SLC25A21: variants seen among roughly 807,000 people sequenced by gnomAD.
SLC25A21 encodes solute carrier family 25 member 21, also known as mitochondrial 2-oxodicarboxylate carrier.
In SLC25A21, 47 loss-of-function variants were observed where a neutral mutation model predicts 43.8. The ratio of observed to expected loss-of-function variants is 1.07; its 90% CI spans 0.85 to 1.37. The LOEUF (loss-of-function observed/expected upper bound fraction) is 1.37, where lower values mean the gene tolerates loss of function less well. Among genes scored for constraint, SLC25A21 ranks in the 40% most tolerant of loss-of-function variants. The pLI is 0.00. For missense variants in SLC25A21, 352 were observed against 350.2 expected (o/e 1.00, Z -0.04); for synonymous variants, 131 against 121.3 (o/e 1.08, Z -0.52).
At chr14:36,682,742 A>T (rs35699523) in intron 9 of SLC25A21, among the ~76,000 whole-genome samples, 53,957 of 151,736 alleles carry the variant, frequency 0.36, 10,176 homozygotes, top group East Asian at 0.6. Flanking sequence ...GCCAATAACT[A>T]ACGGAAGGTA....
intron 6 of SLC25A21, among the ~76,000 whole-genome samples, chr14:36,724,795 A>G (rs2139211093): frequency 6.6e-6 from 1 of 152,308 alleles, no homozygotes; most frequent in East Asian, 1.9e-4. Context: ...GATTATCAGA[A>G]TCTTCCAGGA....
chr14:36,775,752 C>T (rs189484154), intron 3 of SLC25A21, among the ~76,000 whole-genome samples: 2 of 152,306 alleles, frequency 1.3e-5, no homozygotes, highest in East Asian at 1.9e-4. Flanking sequence ...GACCTTTGTG[C>T]CAGTTGCCTA....
intron 1 of SLC25A21, among the ~76,000 whole-genome samples, chr14:37,106,707 A>G (rs1297776445): frequency 6.6e-6 from 1 of 151,790 alleles, no homozygotes; most frequent in East Asian, 1.9e-4. Flanking sequence ...GAAGCATGTG[A>G]TCTTTGTACC....
intron 1 of SLC25A21, among the ~76,000 whole-genome samples, chr14:37,106,517 C>A (rs546432545): frequency 5.9e-5 from 9 of 152,060 alleles, no homozygotes; most frequent in South Asian, 2.1e-4. Flanking sequence ...AAGGTCAGAC[C>A]GGTTCTCTGA....
At chr14:36,977,870 T>C (rs1403785049) in intron 1 of SLC25A21, among the ~76,000 whole-genome samples, 4 of 151,724 alleles carry the variant, frequency 2.6e-5, no homozygotes, top group Non-Finnish European at 4.4e-5. Flanking sequence ...TAGGAATTCC[T>C]CTTTGGGATA....
chr14:37,025,857 TAAAAG>T (rs755857913), intron 1 of SLC25A21, among the ~76,000 whole-genome samples: 5 of 152,086 alleles, frequency 3.3e-5, no homozygotes, highest in Non-Finnish European at 7.4e-5. Context: ...TCTTTTTTCT[TAAAAG>T]AAAAGATAAA....
At chr14:37,050,380 G>C (rs967018890) in intron 1 of SLC25A21, among the ~76,000 whole-genome samples, 5 of 152,196 alleles carry the variant, frequency 3.3e-5, no homozygotes, top group African/African-American at 1.2e-4. Context: ...CATGTATACA[G>C]TAAGTAACTC....
At chr14:37,106,298 G>A (rs1424874603) in intron 1 of SLC25A21, among the ~76,000 whole-genome samples, 2 of 152,086 alleles carry the variant, frequency 1.3e-5, no homozygotes, top group East Asian at 3.9e-4. Context: ...AGTGCAAGTA[G>A]GAGAGATATT....
intron 1 of SLC25A21, among the ~76,000 whole-genome samples, chr14:36,893,375 C>T (rs1207984151): frequency 6.6e-6 from 1 of 152,144 alleles, no homozygotes; most frequent in Non-Finnish European, 1.5e-5. Flanking sequence ...TCATGTCCTT[C>T]ACCCACTTTT....
At chr14:36,917,562 G>A (rs1398986279) in intron 1 of SLC25A21, among the ~76,000 whole-genome samples, 1 of 152,010 alleles carries the variant, frequency 6.6e-6, no homozygotes, top group Admixed American at 6.6e-5. Flanking sequence ...CCACATGCAT[G>A]GTGCATAGGA....
At chr14:36,956,167 G>C (rs1959337150) in intron 1 of SLC25A21, among the ~76,000 whole-genome samples, 1 of 152,156 alleles carries the variant, frequency 6.6e-6, no homozygotes, top group Admixed American at 6.6e-5. Flanking sequence ...GGAGTTAAGA[G>C]AGTCGCCATG....
At chr14:36,935,448 G>A (rs1267563710) in intron 1 of SLC25A21, among the ~76,000 whole-genome samples, 1 of 152,138 alleles carries the variant, frequency 6.6e-6, no homozygotes, top group African/African-American at 2.4e-5. Context: ...GCACACTGTG[G>A]TTCTCTTTTT....
intron 3 of SLC25A21, among the ~76,000 whole-genome samples, chr14:36,810,882 A>AG (rs1258990844): frequency 1.1e-5 from 1 of 94,476 alleles, no homozygotes; most frequent in Admixed American, 1.0e-4. Context: ...TAGAGAAAGA[A>AG]AAGAGTGGGG....
At chr14:37,107,146 T>C (rs1343060243) in intron 1 of SLC25A21, among the ~76,000 whole-genome samples, 6 of 152,130 alleles carry the variant, frequency 3.9e-5, no homozygotes, top group African/African-American at 1.4e-4. Context: ...ACTATTTTTT[T>C]TAATAGGCAG....
chr14:36,849,556 T>A (rs542683768), intron 2 of SLC25A21, among the ~76,000 whole-genome samples: 6 of 152,210 alleles, frequency 3.9e-5, no homozygotes, highest in Non-Finnish European at 5.9e-5. Context: ...AGAACTTATT[T>A]CCTTTCATAG....
chr14:36,772,106 C>T (rs1412757683), intron 3 of SLC25A21, among the ~76,000 whole-genome samples: 1 of 152,144 alleles, frequency 6.6e-6, no homozygotes, highest in East Asian at 1.9e-4. Context: ...AGCTGGGCCA[C>T]AGAGCACTGC....
chr14:36,745,652 G>C (rs1885464720), intron 3 of SLC25A21, among the ~76,000 whole-genome samples: 1 of 152,144 alleles, frequency 6.6e-6, no homozygotes, highest in Non-Finnish European at 1.5e-5. Context: ...CTTTTGAGAA[G>C]TATCTGTTCA....
intron 1 of SLC25A21, among the ~76,000 whole-genome samples, chr14:37,032,195 T>A (rs1961226451): frequency 6.6e-6 from 1 of 152,180 alleles, no homozygotes; most frequent in South Asian, 2.1e-4. Context: ...ATAAGATATT[T>A]AAACATGCTT....
chr14:36,898,969 T>C (rs1198995234), intron 1 of SLC25A21, among the ~76,000 whole-genome samples: 1 of 152,214 alleles, frequency 6.6e-6, no homozygotes, highest in Admixed American at 6.5e-5. Context: ...TGTGGAGTAA[T>C]GTATGTGTCA....
Sources: allele counts gnomAD v4.1 joint callset (sites outside exome capture counted in the v4.1 genomes callset), GRCh38; gene constraint gnomAD v4.1.1; transcripts MANE v1.5; gene names NCBI Gene and HGNC (gene_info 2026-07-23, HGNC 2026-07-21).